The following JMJD1C variants were observed in gnomAD, a reference collection of about 807,000 sequenced individuals.
The protein encoded by JMJD1C is jumonji domain containing 1C.
JMJD1C carries 31 observed loss-of-function variants against 245.3 expected under a neutral mutation model. That is an observed-to-expected ratio of 0.13 (90% CI 0.09 to 0.17). JMJD1C has a LOEUF of 0.17. Ranked by LOEUF, JMJD1C falls within the 10% of genes least tolerant of loss-of-function variation. The probability of loss-of-function intolerance (pLI) is 1.00; values close to 1 mark genes in which losing one functional copy is unlikely to be tolerated. For synonymous variants in JMJD1C, 1,057 were observed against 1,017.4 expected (o/e 1.04, Z -0.74); for missense variants, 2,691 against 3,000.2 (o/e 0.90, Z 2.41).
chr10:63,495,753 T>C (rs1439447842), intron 1 of JMJD1C, among the ~76,000 whole-genome samples: 1 of 63,018 alleles, frequency 1.6e-5, no homozygotes, highest in African/African-American at 4.9e-5. Flanking sequence ...AACTCCTAAC[T>C]CAAAAAAAAA....
At chr10:63,237,410 G>C (rs1352525415) in intron 3 of JMJD1C, among the ~76,000 whole-genome samples, 1 of 152,122 alleles carries the variant, frequency 6.6e-6, no homozygotes, top group Non-Finnish European at 1.5e-5. Context: ...CCACATCGAA[G>C]TTTTTTGGGC....
At position 63,202,179 on chromosome 10, in the gene JMJD1C, A is replaced by C. The variant is rs537816165; in HGVS notation, c.5075-1502T>G. 9.8e-6 allele frequency: 4 copies of C among 406,484 alleles called. No homozygotes were observed. The East Asian group carries it at 6.4e-4, about 65-fold the overall frequency. The allele number at this position is 406,484 out of a possible 1,614,324, so 25.2% of individuals were successfully genotyped here. On this transcript the variant is annotated intron_variant, in intron 10 of 25. Transcript: ENST00000399262. ...TGAGGCACAAGAACTGCTTGATCCC[A>C]GGGGGCGGAAGTTGCAGTGGGGTGA... is the stretch of plus-strand genomic sequence containing the variant.
chr10:63,223,030 A>AT (rs1036259212), intron 3 of JMJD1C: 5 of 1,306,598 alleles, frequency 3.8e-6, no homozygotes, highest in Admixed American at 3.6e-5. Flanking sequence ...CTATTAAAGT[A>AT]TTTTTTCCTG....
chr10:63,464,825 A>T (rs1419982116), intron 1 of JMJD1C, among the ~76,000 whole-genome samples: 1 of 152,218 alleles, frequency 6.6e-6, no homozygotes, highest in Non-Finnish European at 1.5e-5. Flanking sequence ...CCTTTCTAAC[A>T]AGAAAAGCAC....
intron 2 of JMJD1C, among the ~76,000 whole-genome samples, chr10:63,284,301 C>T (rs905276456): frequency 3.9e-5 from 6 of 152,190 alleles, no homozygotes; most frequent in African/African-American, 1.4e-4. Context: ...GCTGGGATTA[C>T]AGGAGTGAGC....
intron 1 of JMJD1C, among the ~76,000 whole-genome samples, chr10:63,482,661 G>C (rs1000587540): frequency 1.7e-4 from 26 of 151,996 alleles, no homozygotes; most frequent in African/African-American, 6.3e-4. Context: ...AAGAGAGAGA[G>C]AGAGACCCCA....
At chr10:63,521,680 A>ACGGGGTAGCCCGGCCT in intron 1 of JMJD1C, 1 of 852,652 alleles carries the variant, frequency 1.2e-6, no homozygotes, top group Non-Finnish European at 1.6e-6. Flanking sequence ...CTGGGCGGGG[A>ACGGGGTAGCCCGGCCT]CGGGGTAGCC....
chr10:63,480,162 G>A (rs2133182640), intron 1 of JMJD1C, among the ~76,000 whole-genome samples: 1 of 152,078 alleles, frequency 6.6e-6, no homozygotes, highest in African/African-American at 2.4e-5. Flanking sequence ...ACAATGTTCT[G>A]TGGCCAATAT....
Position 63,177,711 on chromosome 10 carries a change from T to G in JMJD1C, c.7224+6A>C, listed in dbSNP as rs370760675. On this transcript the variant is annotated splice_donor_region_variant and intron_variant, in intron 23 of 25. Transcript: ENST00000399262. Reference sequence around the variant, plus strand: ...GAAGAGATATTATTTGCAAACTAACTTATACCTTTTGAAGAAATTCCCTTA... The same window carrying G: ...GAAGAGATATTATTTGCAAACTAACGTATACCTTTTGAAGAAATTCCCTTA... The G allele has an allele frequency of 3.7e-6, 6 of 1,613,732 alleles. No individual in the cohort carries two copies. The highest frequency in any genetic ancestry group is 5.1e-6 in the Non-Finnish European group (6 of 1,179,864).
At chr10:63,385,970 T>A (rs1197500409) in intron 1 of JMJD1C, among the ~76,000 whole-genome samples, 1 of 152,008 alleles carries the variant, frequency 6.6e-6, no homozygotes, top group Non-Finnish European at 1.5e-5. Context: ...ACACCAAACA[T>A]GGAAACTTAA....
At chr10:63,458,781 T>C (rs1952588750) in intron 1 of JMJD1C, among the ~76,000 whole-genome samples, 1 of 151,888 alleles carries the variant, frequency 6.6e-6, no homozygotes. Context: ...TAGAGTGCAG[T>C]GGCATGATCA....
At chr10:63,412,567 A>AT (rs1467438712) in intron 1 of JMJD1C, among the ~76,000 whole-genome samples, 10 of 152,152 alleles carry the variant, frequency 6.6e-5, no homozygotes, top group Non-Finnish European at 1.2e-4. Flanking sequence ...GTGGCTAAAA[A>AT]CCTATCACAG....
In JMJD1C at chr10:63,465,648, C is replaced by T. The variant is rs1953197683; in HGVS notation, c.15G>A (p.Thr5=). MAVE[T]RAELVGKRFL... is the part of the protein sequence containing the mutation. ...ACCGCTTACCCACCAGCTCTGCCCG[C>T]GTCTCTACCGCCATAGCTGTCGCTG... is the stretch of plus-strand genomic sequence containing the variant. Residue 5 remains threonine, a synonymous_variant, in exon 1 of 26, where the codon ACG becomes ACA. Coordinates refer to ENST00000399262, the MANE Select transcript of JMJD1C (RefSeq NM_032776.3). 1 of 1,609,282 alleles carries T rather than the reference C, an allele frequency of 6.2e-7. No individual in the cohort carries two copies. Among genetic ancestry groups the T allele is most frequent in the African/African-American group, 1.3e-5 (1 of 75,050 alleles).
chr10:63,309,286 A>T (rs1938777560), intron 2 of JMJD1C, among the ~76,000 whole-genome samples: 1 of 151,736 alleles, frequency 6.6e-6, no homozygotes, highest in East Asian at 2.0e-4. Flanking sequence ...TGAGGTCTGG[A>T]GTTTGAGACC....
At chr10:63,327,537 A>C (rs1941659051) in intron 2 of JMJD1C, among the ~76,000 whole-genome samples, 1 of 152,242 alleles carries the variant, frequency 6.6e-6, no homozygotes, top group East Asian at 1.9e-4. Context: ...CACAAAAGGT[A>C]AATGGACTTC....
intron 1 of JMJD1C, among the ~76,000 whole-genome samples, chr10:63,520,730 T>C (rs1955188078): frequency 6.6e-6 from 1 of 152,170 alleles, no homozygotes; most frequent in Non-Finnish European, 1.5e-5. Context: ...GTAAACAGTC[T>C]TTGCAGATGC....
At chr10:63,502,636 CAAA>C (rs67729776) in intron 1 of JMJD1C, among the ~76,000 whole-genome samples, 7 of 66,192 alleles carry the variant, frequency 1.1e-4, no homozygotes, top group Non-Finnish European at 9.3e-5. Context: ...GACTTTGTCT[CAAA>C]AAAAAAAAAA....
chr10:63,405,107 TAAG>T (rs1286806254), intron 1 of JMJD1C, among the ~76,000 whole-genome samples: 2 of 152,208 alleles, frequency 1.3e-5, no homozygotes. Context: ...TTTTTAAATT[TAAG>T]AAGTTTATAC....
chr10:63,352,908 A>G (rs1944485908), intron 2 of JMJD1C, among the ~76,000 whole-genome samples: 1 of 152,082 alleles, frequency 6.6e-6, no homozygotes. Flanking sequence ...GAATTTGGTA[A>G]AAGTAGGCTG....
Sources: allele counts gnomAD v4.1 joint callset (sites outside exome capture counted in the v4.1 genomes callset), GRCh38; gene constraint gnomAD v4.1.1; transcripts MANE v1.5; gene names NCBI Gene and HGNC (gene_info 2026-07-23, HGNC 2026-07-21).